Variants in PGLYRP2 observed in about 807,000 individuals in gnomAD.
PGLYRP2 encodes the protein N-acetylmuramoyl-L-alanine amidase.
Under a neutral mutation model 46.2 loss-of-function variants are expected in PGLYRP2, and 38 were observed. The ratio of observed to expected loss-of-function variants is 0.82; its 90% CI spans 0.64 to 1.08. The LOEUF (loss-of-function observed/expected upper bound fraction) is 1.08, where lower values mean the gene tolerates loss of function less well. Ranked by LOEUF, PGLYRP2 falls within the 50% of genes least tolerant of loss-of-function variation. PGLYRP2 has a pLI of 0.00. For synonymous variants in PGLYRP2, 289 were observed against 329.4 expected (o/e 0.88, Z 1.33); for missense variants, 713 against 755.9 (o/e 0.94, Z 0.67).
intron 1 of PGLYRP2, among the ~76,000 whole-genome samples, chr19:15,478,557 T>C (rs1417733746): frequency 6.6e-6 from 1 of 151,792 alleles, no homozygotes; most frequent in Non-Finnish European, 1.5e-5. Context: ...ATGAGGCATC[T>C]GAAGCACAGA....
At chr19:15,471,814 C>T (rs1970751620) in intron 3 of PGLYRP2, 76 bp downstream of exon 3, 1 of 1,494,716 alleles carries the variant, frequency 6.7e-7, no homozygotes. Context: ...GCCCGGTCCC[C>T]TGCATCAGGC....
chr19:15,469,798 G>A lies in PGLYRP2; in HGVS notation c.1475C>T (p.Thr492Ile). 6.6e-7 allele frequency: 1 copy of A among 1,515,618 alleles called. No individual in the cohort carries two copies. Among genetic ancestry groups the A allele is most frequent in the Non-Finnish European group, 8.8e-7 (1 of 1,140,946 alleles). The allele number at this position is 1,515,618 out of a possible 1,614,324, so 93.9% of individuals were successfully genotyped here. The stretch of plus-strand genomic sequence containing the variant: ...GCGCACCGTGCGCAGAGCGGCCTCG[G>A]TGGGCAGCGCCGCGGTGTAGTTGCC... Reference protein sequence around the residue: ...IVGNYTAALPTEAALRTVRDT... With the variant: ...IVGNYTAALPIEAALRTVRDT... The change falls in exon 4 of 5, where the codon ACC becomes ATC. Residue 492 changes from threonine to isoleucine, a missense_variant. Thr to Ile is a moderately conservative substitution (Grantham distance 89, BLOSUM62 -1). Coordinates refer to ENST00000340880, the MANE Select transcript of PGLYRP2 (RefSeq NM_052890.4). The surrounding 1 kb of genome is among the most constrained non-coding windows in gnomAD (Gnocchi z 4.9).
rs541640175 is a variant in PGLYRP2 at position 15,478,210 on chromosome 19, G to A, written c.61+1101C>T. Among the ~76,000 whole-genome samples, 14 of 152,234 alleles carry A rather than the reference G, an allele frequency of 9.2e-5. No homozygotes were observed. In the East Asian group the frequency reaches 1.7e-3, roughly 19 times the overall value. On this transcript the variant is annotated intron_variant, in intron 1 of 4. Coordinates refer to ENST00000340880, the MANE Select transcript of PGLYRP2 (RefSeq NM_052890.4). ...AAAAATACAAAAGTTAGCCGGGTGC[G>A]GTGGCGGGCACCTGTAATCCCAGCT...
In PGLYRP2 at chr19:15,473,386, C is replaced by T. The variant is rs1421527170; in HGVS notation, c.1133-1286G>A. Among the ~76,000 whole-genome samples the T allele has an allele frequency of 6.5e-5, 9 of 137,848 alleles. No individual in the cohort carries two copies. In the South Asian group the frequency reaches 2.1e-3, roughly 32 times the overall value. 90.4% of individuals were successfully genotyped at this position (137,848 alleles called of 152,430 possible). On this transcript the variant is annotated intron_variant, in intron 2 of 4. Coordinates refer to ENST00000340880, the MANE Select transcript of PGLYRP2 (RefSeq NM_052890.4). ...GTGGGAGGCTGAGGCAGGAGAATCG[C>T]TTGAACCCAGGAGGCAGAGGTTGCA... is the stretch of plus-strand genomic sequence containing the variant.
Position 15,469,484 on chromosome 19 carries a change from G to T in PGLYRP2, c.1641+148C>A. On this transcript the variant is annotated intron_variant, in intron 4 of 4. Transcript: ENST00000340880. This position sits in a 1 kb window ranked among gnomAD's most constrained non-coding sequence, Gnocchi z 4.9. Reference sequence around the variant, plus strand: ...GAGTGACCCGCAAAGGCTGGGCCTAGGTTTCCTGAATAGACGTGCCGCCGG... The same window carrying T: ...GAGTGACCCGCAAAGGCTGGGCCTATGTTTCCTGAATAGACGTGCCGCCGG... 2 of 1,128,970 alleles carry T rather than the reference G, an allele frequency of 1.8e-6. No individual in the cohort carries two copies. The highest frequency in any genetic ancestry group is 2.6e-6 in the Non-Finnish European group (2 of 773,868). The allele number at this position is 1,128,970 out of a possible 1,614,324, so 69.9% of individuals were successfully genotyped here.
At chr19:15,471,491 T>C (rs1568340638) in intron 3 of PGLYRP2, among the ~76,000 whole-genome samples, 1 of 151,946 alleles carries the variant, frequency 6.6e-6, no homozygotes, top group African/African-American at 2.4e-5. Flanking sequence ...GGTCTCGAAC[T>C]CCTGGGCTCC....
Position 15,471,872 on chromosome 19 carries a change from C to T in PGLYRP2, c.1343+18G>A. 3 of 1,608,006 alleles carry T rather than the reference C, an allele frequency of 1.9e-6. No homozygotes were observed. The highest frequency in any genetic ancestry group is 4.5e-5 in the East Asian group (2 of 44,756). On this transcript the variant is annotated intron_variant, in intron 3 of 4. Coordinates refer to ENST00000340880, the MANE Select transcript of PGLYRP2 (RefSeq NM_052890.4). ...CCGAACGTGGGCCCCGCCCCCTCCC[C>T]GGTCGGGCCCCTCCTACCTGTAGCC...
At chr19:15,473,488 A>T in intron 2 of PGLYRP2, among the ~76,000 whole-genome samples, 1 of 133,490 alleles carries the variant, frequency 7.5e-6, no homozygotes. Flanking sequence ...AAAAAAAAAA[A>T]AAAAAAAAAA....
chr19:15,472,080 G>C lies in PGLYRP2; in HGVS notation c.1153C>G (p.Arg385Gly). ...AFLGCPAIHP[R>G]CRWGAAPYRG... The stretch of plus-strand genomic sequence containing the variant: ...TAAGGCGCCGCTCCCCAGCGGCAGC[G>C]GGGGTGGATGGCCGGGCATCCTACA... The change falls in exon 3 of 5, where the codon CGC becomes GGC. Residue 385 changes from arginine to glycine, a missense_variant. By Grantham distance (125) the Arg-to-Gly change is moderately radical. Coordinates refer to ENST00000340880, the MANE Select transcript of PGLYRP2 (RefSeq NM_052890.4). 2 of 1,603,460 alleles carry C rather than the reference G, an allele frequency of 1.2e-6. No individual in the cohort carries two copies. Among genetic ancestry groups the C allele is most frequent in the Non-Finnish European group, 1.7e-6 (2 of 1,179,560 alleles).
At chr19:15,471,794 T>C in intron 3 of PGLYRP2, 96 bp downstream of exon 3, 1 of 1,384,080 alleles carries the variant, frequency 7.2e-7, no homozygotes, top group South Asian at 1.4e-5. Flanking sequence ...CCAGCTTTCC[T>C]CGGGTTCAAG....
In PGLYRP2 at chr19:15,476,146, T is replaced by A; in HGVS notation, c.524A>T (p.Asp175Val). The A allele has an allele frequency of 1.9e-6, 3 of 1,614,162 alleles. No individual in the cohort carries two copies. Among genetic ancestry groups the A allele is most frequent in the Non-Finnish European group, 1.7e-6 (2 of 1,180,020 alleles). ...TGCAGTGGTGACATCTGGAGAGCCA[T>A]CCCTGAGTCCTGGGGAGGAGGTGGC... The part of the protein sequence containing the change: ...VRATSSPGLR[D>V]GSPDVTTADI... The change falls in exon 2 of 5, where the codon GAT (aspartate) becomes GTT (valine). Residue 175 changes from aspartate to valine, a missense_variant. Asp to Val is a radical substitution (Grantham distance 152, BLOSUM62 -3). Coordinates refer to ENST00000340880, the MANE Select transcript of PGLYRP2 (RefSeq NM_052890.4).
chr19:15,469,699 A>G lies in PGLYRP2; in HGVS notation c.1574T>C (p.Leu525Pro). The change falls in exon 4 of 5, where the codon CTG becomes CCG. Residue 525 changes from leucine to proline, a missense_variant. By Grantham distance (98) the Leu-to-Pro change is moderately conservative (BLOSUM62 -3). Transcript: ENST00000340880. The surrounding 1 kb of genome is among the most constrained non-coding windows in gnomAD (Gnocchi z 4.9). ...PDYALLGHRQ[L>P]VRTDCPGDAL... ...GTCGCCGGGGCAGTCGGTGCGCACCAGCTGGCGGTGGCCCAGCAGCGCGTA... is the reference window on the plus strand; with the variant it reads ...GTCGCCGGGGCAGTCGGTGCGCACCGGCTGGCGGTGGCCCAGCAGCGCGTA... 1 of 1,520,576 alleles carries G rather than the reference A, an allele frequency of 6.6e-7. No homozygotes were observed. Among genetic ancestry groups the G allele is most frequent in the Non-Finnish European group, 8.8e-7 (1 of 1,139,804 alleles). The allele number at this position is 1,520,576 out of a possible 1,614,324, so 94.2% of individuals were successfully genotyped here.
At position 15,469,500 on chromosome 19, in the gene PGLYRP2, G is replaced by T; in HGVS notation, c.1641+132C>A. The T allele has an allele frequency of 1.6e-6, 2 of 1,273,510 alleles. No individual in the cohort carries two copies. Among genetic ancestry groups the T allele is most frequent in the Non-Finnish European group, 2.2e-6 (2 of 905,936 alleles). The allele number at this position is 1,273,510 out of a possible 1,614,324, so 78.9% of individuals were successfully genotyped here. On this transcript the variant is annotated intron_variant, in intron 4 of 4. Transcript: ENST00000340880. The surrounding 1 kb of genome is among the most constrained non-coding windows in gnomAD (Gnocchi z 4.9). Reference sequence around the variant, plus strand: ...CTGGGCCTAGGTTTCCTGAATAGACGTGCCGCCGGGAAGTTGGGGGCCTGG... The same window carrying T: ...CTGGGCCTAGGTTTCCTGAATAGACTTGCCGCCGGGAAGTTGGGGGCCTGG...
chr19:15,470,524 C>T (rs1351154350), intron 3 of PGLYRP2, among the ~76,000 whole-genome samples: 1 of 151,534 alleles, frequency 6.6e-6, no homozygotes, highest in African/African-American at 2.4e-5. Flanking sequence ...CCAGGCTGGT[C>T]TCGAACTCCT....
At chr19:15,470,281 C>CTTCA (rs1970734587) in intron 3 of PGLYRP2, among the ~76,000 whole-genome samples, 1 of 126,618 alleles carries the variant, frequency 7.9e-6, no homozygotes, top group Non-Finnish European at 1.7e-5. Context: ...TCCTTCCTTC[C>CTTCA]TTCCTTCCTT....
chr19:15,474,781 G>T (rs756339878), intron 2 of PGLYRP2, among the ~76,000 whole-genome samples: 8 of 152,128 alleles, frequency 5.3e-5, no homozygotes, highest in East Asian at 1.9e-4. Context: ...GAGGTCAGGA[G>T]ATCGAGACCA....
rs148019163 is a variant in PGLYRP2, at chr19:15,478,176, G to A, written c.61+1135C>T. On this transcript the variant is annotated intron_variant, in intron 1 of 4. Coordinates refer to ENST00000340880, the MANE Select transcript of PGLYRP2 (RefSeq NM_052890.4). Reference sequence around the variant, plus strand: ...AGCCTGGCCAACATGGTGAAACCCCGTTTCTACTAAAAATACAAAAGTTAG... The same window carrying A: ...AGCCTGGCCAACATGGTGAAACCCCATTTCTACTAAAAATACAAAAGTTAG... 5.1e-3 allele frequency among the ~76,000 whole-genome samples: 771 copies of A among 152,182 alleles called. 9 individuals carry two copies. The highest frequency in any genetic ancestry group is 0.017 in the African/African-American group (707 of 41,512).
chr19:15,470,074 C>G, intron 3 of PGLYRP2, 145 bp from the exon 4 acceptor site: 1 of 817,464 alleles, frequency 1.2e-6, no homozygotes, highest in Non-Finnish European at 1.7e-6. Flanking sequence ...CCATCCAGCT[C>G]TGTTCCACTC....
Position 15,476,575 on chromosome 19 carries a change from T to C in PGLYRP2, c.95A>G (p.Gln32Arg). 6.2e-7 allele frequency: 1 copy of C among 1,610,646 alleles called. No homozygotes were observed. The highest frequency in any genetic ancestry group is 1.1e-5 in the South Asian group (1 of 90,560). Residue 32 changes from glutamine (Q) to arginine (R), a missense_variant, in exon 2 of 5, where the codon CAG (glutamine) becomes CGG (arginine). Transcript: ENST00000340880. The stretch of plus-strand genomic sequence containing the variant: ...TTTCTGCTCCAGCTCAGCCAGGGCC[T>C]GGATGACAGAGTCCATGAGCAGGGG... ...SLPLLMDSVI[Q>R]ALAELEQKVP...
Sources: allele counts gnomAD v4.1 joint callset (sites outside exome capture counted in the v4.1 genomes callset), GRCh38; gene constraint gnomAD v4.1.1; non-coding constraint Gnocchi (gnomAD v3.1); transcripts MANE v1.5; gene names NCBI Gene and HGNC (gene_info 2026-07-23, HGNC 2026-07-21).